The following AZIN1 variants were observed in gnomAD, a reference collection of about 807,000 sequenced individuals.
The protein encoded by AZIN1 is ornithine decarboxylase antizyme inhibitor.
Under a neutral mutation model 47.4 loss-of-function variants are expected in AZIN1, and 12 were observed. The observed-to-expected ratio is 0.25, with a 90% CI of 0.16 to 0.41. The LOEUF is 0.41. Among genes scored for constraint, AZIN1 ranks in the 10% least tolerant of loss-of-function variants. The pLI, the probability that AZIN1 is intolerant of heterozygous loss-of-function variation, is 1.00. For missense variants in AZIN1, 410 were observed against 532.4 expected (o/e 0.77, Z 2.26); for synonymous variants, 155 against 176.3 (o/e 0.88, Z 0.96).
chr8:102,860,866 T>G (rs572886639), intron 1 of AZIN1, among the ~76,000 whole-genome samples: 20 of 152,160 alleles, frequency 1.3e-4, no homozygotes, highest in Non-Finnish European at 2.5e-4. Flanking sequence ...AACCCCAAGT[T>G]TAGGGGAGGG....
intron 3 of AZIN1, among the ~76,000 whole-genome samples, chr8:102,843,182 GGCGACA>G (rs1442874874): frequency 1.3e-5 from 2 of 150,108 alleles, no homozygotes; most frequent in African/African-American, 4.9e-5. Flanking sequence ...CTCCAGCCTG[GGCGACA>G]GCGTGAGACT....
At chr8:102,852,917 T>C (rs1033640602) in intron 2 of AZIN1, among the ~76,000 whole-genome samples, 10 of 152,206 alleles carry the variant, frequency 6.6e-5, no homozygotes, top group Middle Eastern at 3.2e-3. Context: ...AGAGTCTCCT[T>C]AGGCTTATCT....
chr8:102,834,786 G>A, intron 6 of AZIN1, 39 bp from the exon 7 acceptor site: 1 of 1,412,716 alleles, frequency 7.1e-7, no homozygotes, highest in South Asian at 1.2e-5. Context: ...GGAGCAGAAA[G>A]TTGTAGAGAC....
chr8:102,830,663 G>GAAAAGA (rs71574080), intron 9 of AZIN1, among the ~76,000 whole-genome samples: 34,104 of 146,960 alleles, frequency 0.23, 4,168 homozygotes, highest in South Asian at 0.37. Flanking sequence ...AAAAAAAAAA[G>GAAAAGA]AAAAGAAAAA....
In AZIN1 at chr8:102,833,129, C is replaced by T; in HGVS notation, c.831G>A (p.Val277=). ...KIISEPGSYY[V]SSAFTLAVNI... ...TAACTGCGAGTGTAAATGCAGAAGACACATAGTAGCTTCCGGGTTCTGAAA... is the reference window on the plus strand; with the variant it reads ...TAACTGCGAGTGTAAATGCAGAAGATACATAGTAGCTTCCGGGTTCTGAAA... Residue 277 remains valine, a synonymous_variant, in exon 9 of 12, where the codon GTG becomes GTA. Coordinates refer to ENST00000337198, the MANE Select transcript of AZIN1 (RefSeq NM_148174.4). 1 of 1,612,912 alleles carries T rather than the reference C, an allele frequency of 6.2e-7. No homozygotes were observed. The highest frequency in any genetic ancestry group is 8.5e-7 in the Non-Finnish European group (1 of 1,178,996).
rs1403152998 is a variant in AZIN1, at chr8:102,856,181, C to T, written c.-96+1832G>A. ...TAAAGACTTTTTGGATTTCAGAATT[C>T]TATGAAAAAGGGATTGTGGACCTGT... is the stretch of plus-strand genomic sequence containing the variant. On this transcript the variant is annotated intron_variant, in intron 2 of 11. Coordinates refer to ENST00000337198, the MANE Select transcript of AZIN1 (RefSeq NM_148174.4). 80 of 146,174 alleles carry T rather than the reference C, an allele frequency of 5.5e-4. 1 individual carries two copies. Among genetic ancestry groups the T allele is most frequent in the Admixed American group, 1.1e-3 (15 of 13,914 alleles). The allele number at this position is 146,174 out of a possible 1,614,324, so 9.1% of individuals were successfully genotyped here.
rs781130838 is a variant in AZIN1, at chr8:102,829,504, C to G, written c.1021-18G>C. On this transcript the variant is annotated intron_variant, in intron 10 of 11. Transcript: ENST00000337198. ...TTGTATTTCTGTAGGAAAAGTTTTA[C>G]AATTTAATTTTTACTCATACTTACG... 2.5e-6 allele frequency: 4 copies of G among 1,585,066 alleles called. No individual in the cohort carries two copies. In the Admixed American group the frequency reaches 7.3e-5, roughly 29 times the overall value.
intron 9 of AZIN1, among the ~76,000 whole-genome samples, chr8:102,832,450 A>G (rs1286920025): frequency 6.6e-6 from 1 of 152,200 alleles, no homozygotes; most frequent in South Asian, 2.1e-4. Flanking sequence ...CTTATGTGAG[A>G]AAGTGTGAAA....
At position 102,828,540 on chromosome 8, in the gene AZIN1, C is replaced by T. The variant is rs759491354; in HGVS notation, c.*27G>A. 6.8e-7 allele frequency: 1 copy of T among 1,463,512 alleles called. No individual in the cohort carries two copies. Among genetic ancestry groups the T allele is most frequent in the South Asian group, 1.2e-5 (1 of 83,974 alleles). The allele number at this position is 1,463,512 out of a possible 1,614,324, so 90.7% of individuals were successfully genotyped here. Reference sequence around the variant, plus strand: ...ACCAGACAAGCTTAACCTGCAACTTCAGATCTAAAGAAGCGTTAATGCCTG... The same window carrying T: ...ACCAGACAAGCTTAACCTGCAACTTTAGATCTAAAGAAGCGTTAATGCCTG... On this transcript the variant is annotated 3_prime_UTR_variant, in exon 12 of 12. Transcript: ENST00000337198.
chr8:102,832,228 G>C (rs1811507183), intron 9 of AZIN1, among the ~76,000 whole-genome samples: 1 of 151,844 alleles, frequency 6.6e-6, no homozygotes, highest in Non-Finnish European at 1.5e-5. Flanking sequence ...TCCTGGACTG[G>C]ATTCTAAGCA....
chr8:102,861,068 G>A (rs1459218891), intron 1 of AZIN1, among the ~76,000 whole-genome samples: 3 of 152,114 alleles, frequency 2.0e-5, no homozygotes, highest in Non-Finnish European at 2.9e-5. Context: ...TAAAAGTCTC[G>A]AACGTTTCAT....
chr8:102,829,669 A>C, intron 10 of AZIN1, 152 bp downstream of exon 10: 1 of 797,066 alleles, frequency 1.3e-6, no homozygotes, highest in Non-Finnish European at 2.0e-6. Context: ...GCAACAAACT[A>C]AAAAAGGGAC....
At chr8:102,853,233 A>T (rs1257481623) in intron 2 of AZIN1, among the ~76,000 whole-genome samples, 2 of 152,262 alleles carry the variant, frequency 1.3e-5, no homozygotes, top group African/African-American at 2.4e-5. Flanking sequence ...GGTCGGGCGC[A>T]GTGGCGCATG....
chr8:102,837,084 A>G (rs973652775), intron 5 of AZIN1, among the ~76,000 whole-genome samples: 8 of 152,010 alleles, frequency 5.3e-5, no homozygotes, highest in Non-Finnish European at 1.2e-4. Context: ...ACGCCCAGCT[A>G]ATTTTTTTTA....
At chr8:102,847,979 A>G (rs1812679821) in intron 2 of AZIN1, among the ~76,000 whole-genome samples, 1 of 152,222 alleles carries the variant, frequency 6.6e-6, no homozygotes, top group Admixed American at 6.5e-5. Context: ...AACATTTTTA[A>G]TAAGGACAGA....
In AZIN1 at chr8:102,828,242, T is replaced by C. The variant is rs1563525463; in HGVS notation, c.*325A>G. 5.5e-6 allele frequency: 1 copy of C among 181,494 alleles called. No homozygotes were observed. The allele number at this position is 181,494 out of a possible 1,614,324, so 11.2% of individuals were successfully genotyped here. ...CCTTAGTATAAAAACTGTGTTCTTG[T>C]ATGTAAACGATTTAATGGGGAACCC... On this transcript the variant is annotated 3_prime_UTR_variant, in exon 12 of 12. Transcript: ENST00000337198.
chr8:102,844,421 T>C (rs1812428957), intron 2 of AZIN1, among the ~76,000 whole-genome samples: 4 of 151,848 alleles, frequency 2.6e-5, no homozygotes, highest in African/African-American at 9.7e-5. Context: ...GAGGGAACAA[T>C]CTGAAGCTTT....
rs771894945 is a variant in AZIN1, at chr8:102,828,641, T to C, written c.1273A>G (p.Met425Val). 8 of 1,611,232 alleles carry C rather than the reference T, an allele frequency of 5.0e-6. No individual in the cohort carries two copies. In the African/African-American group the frequency reaches 5.3e-5, roughly 11 times the overall value. The change falls in exon 12 of 12, where the codon ATG (methionine) becomes GTG (valine). Residue 425 changes from methionine to valine, a missense_variant. Physicochemically the swap from Met to Val is conservative, Grantham distance 21 (BLOSUM62 1). Coordinates refer to ENST00000337198, the MANE Select transcript of AZIN1 (RefSeq NM_148174.4). ...GGCACAAAGAAGAAGTTCTTCATCA[T>C]TGAGTCTGAAGTAATTCCAGCATCT... ...MQDAGITSDS[M>V]MKNFFFVPSC...
chr8:102,835,478 T>C (rs1479704625), intron 6 of AZIN1: 1 of 152,174 alleles, frequency 6.6e-6, no homozygotes, highest in Non-Finnish European at 1.5e-5. Context: ...ATGTACAAAG[T>C]AGTATAGAAA....
Sources: allele counts gnomAD v4.1 joint callset (sites outside exome capture counted in the v4.1 genomes callset), GRCh38; gene constraint gnomAD v4.1.1; transcripts MANE v1.5; gene names NCBI Gene and HGNC (gene_info 2026-07-23, HGNC 2026-07-21).